The following ANGEL2 variants were observed in gnomAD, a reference collection of about 807,000 sequenced individuals.
The protein encoded by ANGEL2 is RNA 2',3'-cyclic phosphatase ANGEL2.
A neutral mutation model predicts 66.0 loss-of-function variants in ANGEL2; 41 were observed. The observed-to-expected ratio is 0.62, with a 90% CI of 0.48 to 0.81. The LOEUF (loss-of-function observed/expected upper bound fraction) is 0.81. ANGEL2 is among the 30% of genes least tolerant of loss of function. The pLI is 0.00. For synonymous variants in ANGEL2, 208 were observed against 226.5 expected, an observed-to-expected ratio of 0.92 and a Z score of 0.73; for missense variants, 561 against 641.6, an observed-to-expected ratio of 0.87 and a Z score of 1.36.
rs375047007 is a variant in ANGEL2 at position 213,006,187 on chromosome 1, C to T, written c.713-733G>A. ...AAAAAAATTGCTAATGAAGGCCAGG[C>T]GTGGTGGCTCACGCCTATAATCCCA... On this transcript the variant is annotated intron_variant, in intron 4 of 8. Coordinates refer to ENST00000366962, the MANE Select transcript of ANGEL2 (RefSeq NM_144567.5). Among the ~76,000 whole-genome samples the T allele has an allele frequency of 3.2e-4, 48 of 152,192 alleles. 1 individual carries two copies. The East Asian group carries it at 6.0e-3, about 19-fold the overall frequency.
rs2075946055 is a variant in ANGEL2 at position 212,994,479 on chromosome 1, T to C, written c.*562A>G. On this transcript the variant is annotated 3_prime_UTR_variant, in exon 9 of 9. Coordinates refer to ENST00000366962, the MANE Select transcript of ANGEL2 (RefSeq NM_144567.5). Reference sequence around the variant, plus strand: ...CATATTACATGGCTCAGGACAGTAATAAGATGGATTAAGCATTCTGTACAA... The same window carrying C: ...CATATTACATGGCTCAGGACAGTAACAAGATGGATTAAGCATTCTGTACAA... The C allele has an allele frequency of 6.6e-6, 1 of 152,156 alleles. No homozygotes were observed. Among genetic ancestry groups the C allele is most frequent in the Non-Finnish European group, 1.5e-5 (1 of 68,058 alleles). 9.4% of individuals were successfully genotyped at this position (152,156 alleles called of 1,614,324 possible).
Position 212,995,170 on chromosome 1 carries a change from A to G in ANGEL2, c.1506T>C (p.Gly502=), listed in dbSNP as rs145167088. 168 of 1,607,492 alleles carry G rather than the reference A, an allele frequency of 1.0e-4. No homozygotes were observed. The highest frequency in any genetic ancestry group is 1.4e-4 in the Non-Finnish European group (161 of 1,176,620). Residue 502 remains glycine (G), a synonymous_variant, in exon 9 of 9, where the codon GGT becomes GGC. Coordinates refer to ENST00000366962, the MANE Select transcript of ANGEL2 (RefSeq NM_144567.5). The part of the protein sequence containing the change: ...GHPGAEVALV[G]GLKLLARLSL... Reference sequence around the variant, plus strand: ...ACAGTCTAGCTAGAAGTTTCAAGCCACCAACCAAAGCAACTTCAGCTCCTA... The same window carrying G: ...ACAGTCTAGCTAGAAGTTTCAAGCCGCCAACCAAAGCAACTTCAGCTCCTA...
At position 213,015,815 on chromosome 1, in the gene ANGEL2, G is replaced by GCA. The variant is rs1484801536; in HGVS notation, c.-146_-145dup. On this transcript the variant is annotated 5_prime_UTR_variant, in exon 1 of 9. The change creates a premature stop within an existing upstream ORF in the 5' untranslated region. Coordinates refer to ENST00000366962, the MANE Select transcript of ANGEL2 (RefSeq NM_144567.5). ...CTGGCTGCAAGGCATGCTGGGAGGT[G>GCA]CAGTCTCGCCGGCCGGCCTACACTC... is the stretch of plus-strand genomic sequence containing the variant. 4 of 1,098,402 alleles carry GCA rather than the reference G, an allele frequency of 3.6e-6. No homozygotes were observed. In the African/African-American group the frequency reaches 4.6e-5, roughly 13 times the overall value. The allele number at this position is 1,098,402 out of a possible 1,614,324, so 68.0% of individuals were successfully genotyped here.
rs137984536 is a variant in ANGEL2, at chr1:213,006,280, T to C, written c.713-826A>G. Among the ~76,000 whole-genome samples, 1,010 of 151,930 alleles carry C rather than the reference T, an allele frequency of 6.6e-3. 7 individuals are homozygous for C. The highest frequency in any genetic ancestry group is 0.051 in the Middle Eastern group (15 of 292). The stretch of plus-strand genomic sequence containing the variant: ...ATCAAGGCCATCCTGGCTAATACGG[T>C]GAAACCCCGTCTCTACTAAAAAAAA... On this transcript the variant is annotated intron_variant, in intron 4 of 8. Transcript: ENST00000366962.
chr1:212,997,365 C>T, intron 7 of ANGEL2, 47 bp from the exon 8 acceptor site: 4 of 1,514,804 alleles, frequency 2.6e-6, no homozygotes, highest in South Asian at 2.4e-5. Context: ...TTTGTAACTT[C>T]AAGAATTCCT....
Position 212,994,325 on chromosome 1 carries a change from G to A in ANGEL2, c.*716C>T, listed in dbSNP as rs2102681654. 6.6e-6 allele frequency: 1 copy of A among 152,094 alleles called. No individual in the cohort carries two copies. Among genetic ancestry groups the A allele is most frequent in the African/African-American group, 2.4e-5 (1 of 41,482 alleles). The allele number at this position is 152,094 out of a possible 1,614,324, so 9.4% of individuals were successfully genotyped here. ...AAAAATAAATAAATAAAAATGCTAGGGAAACAAAGGTATATCCCCAGTCTC... is the reference window on the plus strand; with the variant it reads ...AAAAATAAATAAATAAAAATGCTAGAGAAACAAAGGTATATCCCCAGTCTC... On this transcript the variant is annotated 3_prime_UTR_variant, in exon 9 of 9. Coordinates refer to ENST00000366962, the MANE Select transcript of ANGEL2 (RefSeq NM_144567.5).
At chr1:212,995,451 T>C (rs150718566) in intron 8 of ANGEL2, among the ~76,000 whole-genome samples, 286 of 152,298 alleles carry the variant, frequency 1.9e-3, no homozygotes, top group African/African-American at 6.6e-3. Context: ...ATGAAATACT[T>C]AAGAATGTTA....
rs200922032 is a variant in ANGEL2 at position 212,999,183 on chromosome 1, AT to A, written c.1319+1142del. Among the ~76,000 whole-genome samples, 406 of 149,760 alleles carry A rather than the reference AT, an allele frequency of 2.7e-3. 3 individuals are homozygous for A. The highest frequency in any genetic ancestry group is 7.5e-3 in the Admixed American group (113 of 15,016). On this transcript the variant is annotated intron_variant, in intron 7 of 8. Coordinates refer to ENST00000366962, the MANE Select transcript of ANGEL2 (RefSeq NM_144567.5). ...CACCACGCCCGGCCAGAATGTTTTA[AT>A]TTTTTTTTTAATAGAGGCAGGGTCT...
chr1:213,008,126 A>T, intron 3 of ANGEL2, 84 bp downstream of exon 3: 1 of 1,454,152 alleles, frequency 6.9e-7, no homozygotes, highest in Non-Finnish European at 9.3e-7. Flanking sequence ...AGCCTCCCAA[A>T]GTGCTGGGAT....
At chr1:213,011,260 A>C (rs1558190590) in intron 2 of ANGEL2, 1 of 1,289,116 alleles carries the variant, frequency 7.8e-7, no homozygotes, top group African/African-American at 1.5e-5. Context: ...AGATGAATCA[A>C]AGAAAGTAAG....
At chr1:213,014,650 A>C (rs1255674881) in intron 1 of ANGEL2, among the ~76,000 whole-genome samples, 1 of 152,108 alleles carries the variant, frequency 6.6e-6, no homozygotes, top group East Asian at 1.9e-4. Context: ...TTTTCTCTTA[A>C]GATGTTAAGC....
At position 213,008,324 on chromosome 1, in the gene ANGEL2, T is replaced by A; in HGVS notation, c.528A>T (p.Ser176=). 6.2e-7 allele frequency: 1 copy of A among 1,614,230 alleles called. No homozygotes were observed. The highest frequency in any genetic ancestry group is 1.6e-4 in the Middle Eastern group (1 of 6,062). ...GAGAGTTATCTTCCAGTAAATCTTG[T>A]GAAAGTATATTATAGGACATCACTG... The part of the protein sequence containing the change: ...DFSVMSYNIL[S]QDLLEDNSHL... The change falls in exon 3 of 9, where the codon TCA becomes TCT. Residue 176 remains serine, a synonymous_variant. Coordinates refer to ENST00000366962, the MANE Select transcript of ANGEL2 (RefSeq NM_144567.5).
At chr1:213,003,211 T>C (rs1165028011) in intron 5 of ANGEL2, among the ~76,000 whole-genome samples, 1 of 152,248 alleles carries the variant, frequency 6.6e-6, no homozygotes, top group African/African-American at 2.4e-5. Flanking sequence ...TGGTTTGATC[T>C]TCTATCCAGA....
chr1:213,015,817 A>T lies in ANGEL2; in HGVS notation c.-146T>A. ...GGCTGCAAGGCATGCTGGGAGGTGCAGTCTCGCCGGCCGGCCTACACTCCA... is the reference window on the plus strand; with the variant it reads ...GGCTGCAAGGCATGCTGGGAGGTGCTGTCTCGCCGGCCGGCCTACACTCCA... On this transcript the variant is annotated 5_prime_UTR_variant, in exon 1 of 9. Transcript: ENST00000366962. The T allele has an allele frequency of 9.4e-7, 1 of 1,061,222 alleles. No individual in the cohort carries two copies. The highest frequency in any genetic ancestry group is 2.3e-5 in the Admixed American group (1 of 44,080). The allele number at this position is 1,061,222 out of a possible 1,614,324, so 65.7% of individuals were successfully genotyped here.
intron 1 of ANGEL2, chr1:213,015,214 G>A (rs1461541626): frequency 1.6e-5 from 17 of 1,051,148 alleles, no homozygotes; most frequent in Non-Finnish European, 1.7e-5. Context: ...GATCAGGCCC[G>A]CCGAGACCTA....
In ANGEL2 at chr1:213,015,593, G is replaced by A; in HGVS notation, c.59+20C>T. On this transcript the variant is annotated intron_variant, in intron 1 of 8. Coordinates refer to ENST00000366962, the MANE Select transcript of ANGEL2 (RefSeq NM_144567.5). Reference sequence around the variant, plus strand: ...CCGCCCGCCCCTCTCTCCTCCCTCCGAGTACCCAGCCCTACTGACCGGCCT... The same window carrying A: ...CCGCCCGCCCCTCTCTCCTCCCTCCAAGTACCCAGCCCTACTGACCGGCCT... 1.6e-6 allele frequency: 2 copies of A among 1,223,694 alleles called. No individual in the cohort carries two copies. The highest frequency in any genetic ancestry group is 2.1e-6 in the Non-Finnish European group (2 of 954,338). The allele number at this position is 1,223,694 out of a possible 1,614,324, so 75.8% of individuals were successfully genotyped here.
rs2075909087 is a variant in ANGEL2, at chr1:212,993,333, C to T, written c.*1708G>A. 6.6e-6 allele frequency: 1 copy of T among 152,030 alleles called. No homozygotes were observed. The highest frequency in any genetic ancestry group is 6.6e-5 in the Admixed American group (1 of 15,238). 9.4% of individuals were successfully genotyped at this position (152,030 alleles called of 1,614,324 possible). ...AAAAAATAAAAAAATAAAAACCCCCCAAAATGAGAAATTAAATATTTAAAC... is the reference window on the plus strand; with the variant it reads ...AAAAAATAAAAAAATAAAAACCCCCTAAAATGAGAAATTAAATATTTAAAC... On this transcript the variant is annotated 3_prime_UTR_variant, in exon 9 of 9. Coordinates refer to ENST00000366962, the MANE Select transcript of ANGEL2 (RefSeq NM_144567.5).
intron 4 of ANGEL2, chr1:213,006,401 T>C (rs2076328715): frequency 6.7e-6 from 1 of 149,766 alleles, no homozygotes; most frequent in Non-Finnish European, 1.5e-5. Context: ...GAGGTGGAGC[T>C]TGCAGTGAGC....
chr1:212,995,243 G>A (rs934358675), intron 8 of ANGEL2, 51 bp from the exon 9 acceptor site: 5 of 1,517,006 alleles, frequency 3.3e-6, no homozygotes, highest in Middle Eastern at 3.5e-4. Flanking sequence ...ACGGGTTATT[G>A]TAAATTAATC....
Sources: gnomAD v4.1 joint callset for allele counts (sites outside exome capture counted in the v4.1 genomes callset) on GRCh38, gnomAD v4.1.1 for gene constraint, MANE v1.5 for transcripts, NCBI Gene and HGNC (gene_info 2026-07-23, HGNC 2026-07-21) for gene names.